PIK3C2B: variants seen among roughly 807,000 people sequenced by gnomAD.
PIK3C2B encodes phosphatidylinositol-4-phosphate 3-kinase catalytic subunit type 2 beta.
In PIK3C2B, 83 loss-of-function variants were observed where a neutral mutation model predicts 184.3. The ratio of observed to expected loss-of-function variants is 0.45; its 90% confidence interval spans 0.38 to 0.54. The LOEUF (loss-of-function observed/expected upper bound fraction) is 0.54, where lower values mean the gene tolerates loss of function less well. Ranked by LOEUF, PIK3C2B falls within the 20% of genes least tolerant of loss-of-function variation. The pLI, the probability that PIK3C2B is intolerant of heterozygous loss-of-function variation, is 0.00. For missense variants in PIK3C2B, 1,736 were observed against 2,113.5 expected, an observed-to-expected ratio of 0.82 and a Z score of 3.50; for synonymous variants, 779 against 837.6, an observed-to-expected ratio of 0.93 and a Z score of 1.21.
chr1:204,484,908 C>T (rs571829186), intron 1 of PIK3C2B, among the ~76,000 whole-genome samples: 2 of 152,192 alleles, frequency 1.3e-5, no homozygotes, highest in South Asian at 2.1e-4. Context: ...GACAAGAGAA[C>T]CAATGAGCAA....
At chr1:204,482,399 C>T (rs921895667) in intron 1 of PIK3C2B, among the ~76,000 whole-genome samples, 3 of 152,236 alleles carry the variant, frequency 2.0e-5, no homozygotes, top group African/African-American at 7.2e-5. Context: ...TATCCTGCTC[C>T]AGGGTCAGTC....
rs1411062833 is a variant in PIK3C2B at position 204,465,153 on chromosome 1, A to C, written c.1034+66T>G. ...TCTTCCCTCCTAAAGAAAGTTTGGA[A>C]ATGGATGGCCCCCCTCCCCATCCCC... On this transcript the variant is annotated intron_variant, in intron 3 of 32. Coordinates refer to ENST00000684373, the MANE Select transcript of PIK3C2B (RefSeq NM_001377334.1). The C allele has an allele frequency of 9.5e-6, 7 of 739,936 alleles. No individual in the cohort carries two copies. In the Admixed American group the frequency reaches 1.1e-4, roughly 12 times the overall value. 45.8% of individuals were successfully genotyped at this position (739,936 alleles called of 1,614,324 possible). A position where few individuals can be genotyped will look rare whatever the true frequency, so the allele number is the denominator to read the frequency against.
At chr1:204,466,393 G>A (rs1572368209) in intron 2 of PIK3C2B, among the ~76,000 whole-genome samples, 1 of 151,252 alleles carries the variant, frequency 6.6e-6, no homozygotes. Flanking sequence ...GCAGATGACA[G>A]CAACTGAGCT....
Position 204,437,600 on chromosome 1 carries a change from G to A in PIK3C2B, c.3516+1335C>T, listed in dbSNP as rs528761070. Among the ~76,000 whole-genome samples the A allele has an allele frequency of 2.1e-4, 32 of 152,318 alleles. 1 individual carries two copies. The South Asian group carries it at 6.4e-3, about 31-fold the overall frequency. On this transcript the variant is annotated intron_variant, in intron 23 of 32. Transcript: ENST00000684373. ...TTCAGGGGACCGACAGCAAAGAGCT[G>A]AACAAAATCAATGGTAACAAAATAG...
rs765993899 is a variant in PIK3C2B, at chr1:204,432,409, G to A, written c.3954-8C>T. Reference sequence around the variant, plus strand: ...AGGCTGGACTCAATCAACCTGGCAGGAGGATAAGAAAAGAGGATATAACCA... The same window carrying A: ...AGGCTGGACTCAATCAACCTGGCAGAAGGATAAGAAAAGAGGATATAACCA... On this transcript the variant is annotated splice_polypyrimidine_tract_variant and splice_region_variant and intron_variant, in intron 26 of 32. Transcript: ENST00000684373. 13 of 1,613,034 alleles carry A rather than the reference G, an allele frequency of 8.1e-6. No homozygotes were observed. In the African/African-American group the frequency reaches 1.6e-4, roughly 20 times the overall value.
rs372361769 is a variant in PIK3C2B, at chr1:204,432,235, G to A, written c.4120C>T (p.Arg1374Cys). 14 of 1,613,954 alleles carry A rather than the reference G, an allele frequency of 8.7e-6. No individual in the cohort carries two copies. The highest frequency in any genetic ancestry group is 5.0e-5 in the Admixed American group (3 of 59,986). ...TTGGGGTGGAAGATCTTCTCATGGCGGCAGAGGAAAACATCACTGATTCGG... is the reference window on the plus strand; with the variant it reads ...TTGGGGTGGAAGATCTTCTCATGGCAGCAGAGGAAAACATCACTGATTCGG... The part of the protein sequence containing the change: ...SGRISDVFLC[R>C]HEKIFHPNKG... Residue 1374 changes from arginine to cysteine, a missense_variant, in exon 27 of 33, where the codon CGC (arginine) becomes TGC (cysteine). Physicochemically the swap from Arg to Cys is radical, Grantham distance 180. This residue lies in a region of PIK3C2B where 200 missense variants were observed against 199.1 expected (regional missense o/e 1.00). Transcript: ENST00000684373.
At chr1:204,474,078 G>C (rs1277195756) in intron 1 of PIK3C2B, among the ~76,000 whole-genome samples, 2 of 138,744 alleles carry the variant, frequency 1.4e-5, no homozygotes, top group Admixed American at 8.3e-5. Context: ...CGCAAGCTCC[G>C]CCTCCCGGGT....
chr1:204,439,289 G>T (rs1346732198), intron 22 of PIK3C2B, among the ~76,000 whole-genome samples: 2 of 152,156 alleles, frequency 1.3e-5, no homozygotes, highest in Admixed American at 1.3e-4. Flanking sequence ...GTTCATAGCT[G>T]CTGCTCCCTT....
At chr1:204,457,475 A>G (rs1654971183) in intron 9 of PIK3C2B, among the ~76,000 whole-genome samples, 1 of 152,226 alleles carries the variant, frequency 6.6e-6, no homozygotes, top group African/African-American at 2.4e-5. Flanking sequence ...GTGACTGTGA[A>G]TAAAGCCTTT....
intron 8 of PIK3C2B, among the ~76,000 whole-genome samples, 190 bp downstream of exon 8, chr1:204,459,688 G>A (rs1475659366): frequency 1.3e-5 from 2 of 152,088 alleles, no homozygotes; most frequent in African/African-American, 2.4e-5. Context: ...CCCTGACTAC[G>A]CACTTGCCGT....
Position 204,425,851 on chromosome 1 carries a change from T to C in PIK3C2B, c.4588-110A>G. On this transcript the variant is annotated intron_variant, in intron 31 of 32. Transcript: ENST00000684373. The stretch of plus-strand genomic sequence containing the variant: ...AGACTCTCATCTGCCATCTGGCATC[T>C]TGCAATGCACAACTAATTTATTTGT... 11 of 956,208 alleles carry C rather than the reference T, an allele frequency of 1.2e-5. No homozygotes were observed. The South Asian group carries it at 1.7e-4, about 15-fold the overall frequency. 59.2% of individuals were successfully genotyped at this position (956,208 alleles called of 1,614,324 possible). A position where few individuals can be genotyped will look rare whatever the true frequency, so the allele number is the denominator to read the frequency against.
At chr1:204,473,790 C>T (rs1013028157) in intron 1 of PIK3C2B, among the ~76,000 whole-genome samples, 1 of 152,208 alleles carries the variant, frequency 6.6e-6, no homozygotes, top group Non-Finnish European at 1.5e-5. Context: ...CAGATTCCTG[C>T]CTCCTGCTGA....
rs55875447 is a variant in PIK3C2B, at chr1:204,482,109, CGGGGGGGGGGG to C, written c.-84-12234_-84-12224del. ...CAGGGAGGAATGAGCCATGAAAAGA[CGGGGGGGGGGG>C]GGGGGGTGCTCTCTAATGTTAGGCC... On this transcript the variant is annotated intron_variant, in intron 1 of 32. Transcript: ENST00000684373. Among the ~76,000 whole-genome samples the C allele has an allele frequency of 7.5e-4, 99 of 132,590 alleles. 3 individuals are homozygous for C. Among genetic ancestry groups the C allele is most frequent in the Middle Eastern group, 7.5e-3 (2 of 266 alleles). The allele number at this position is 132,590 out of a possible 152,430, so 87.0% of individuals were successfully genotyped here. A position where few individuals can be genotyped will look rare whatever the true frequency, so the allele number is the denominator to read the frequency against.
chr1:204,461,393 C>T (rs1246144246), intron 5 of PIK3C2B, among the ~76,000 whole-genome samples: 1 of 152,176 alleles, frequency 6.6e-6, no homozygotes, highest in African/African-American at 2.4e-5. Context: ...ACACCTTCAA[C>T]AGCAAGGAAA....
At chr1:204,449,699 T>C (rs1654185975) in intron 13 of PIK3C2B, 151 bp downstream of exon 13, 1 of 701,914 alleles carries the variant, frequency 1.4e-6, no homozygotes, top group Non-Finnish European at 2.4e-6. Context: ...TGGTCACCAG[T>C]TCTGTGCTTG....
At chr1:204,429,012 T>C in intron 29 of PIK3C2B, 1 of 417,820 alleles carries the variant, frequency 2.4e-6, no homozygotes. Context: ...TCGCTTGAGC[T>C]CAGGAGTCTG....
In PIK3C2B at chr1:204,439,566, C is replaced by A. The variant is rs1238501047; in HGVS notation, c.3380-495G>T. On this transcript the variant is annotated intron_variant, in intron 22 of 32. Transcript: ENST00000684373. ...GCCATTGTCACATCCAAAAAATTAACAATCACTCTTTAATCTAACTCAATC... is the reference window on the plus strand; with the variant it reads ...GCCATTGTCACATCCAAAAAATTAAAAATCACTCTTTAATCTAACTCAATC... Among the ~76,000 whole-genome samples, 4 of 152,232 alleles carry A rather than the reference C, an allele frequency of 2.6e-5. 1 individual carries two copies. The highest frequency in any genetic ancestry group is 9.6e-5 in the African/African-American group (4 of 41,534).
In PIK3C2B at chr1:204,427,729, T is replaced by C. The variant is rs143922784; in HGVS notation, c.4506A>G (p.Gly1502=). The C allele has an allele frequency of 1.9e-4, 304 of 1,614,000 alleles. 3 individuals carry two copies. In the South Asian group the frequency reaches 2.8e-3, roughly 15 times the overall value. The change falls in exon 31 of 33, where the codon GGA becomes GGG. Residue 1502 remains glycine (G), a synonymous_variant. Transcript: ENST00000684373. The part of the protein sequence containing the change: ...SSDGTWARPV[G]KVGGEVKLSI... ...ACAGCTTCACCTCCCCTCCCACCTT[T>C]CCGACGGGCCGGGCCCATGTGCCAT...
At chr1:204,456,132 G>C (rs1654828281) in intron 10 of PIK3C2B, 81 bp from the exon 11 acceptor site, 13 of 1,203,386 alleles carry the variant, frequency 1.1e-5, no homozygotes, top group Non-Finnish European at 1.5e-5. Context: ...GGCTAGAATG[G>C]GATGGCCTAA....
Sources: allele counts gnomAD v4.1 joint callset (sites outside exome capture counted in the v4.1 genomes callset), GRCh38; gene constraint gnomAD v4.1.1; regional missense constraint gnomAD v4.1.1; transcripts MANE v1.5; gene names NCBI Gene and HGNC (gene_info 2026-07-23, HGNC 2026-07-21).